The following UBP1 variants were observed in gnomAD, a reference collection of about 807,000 sequenced individuals.
UBP1 encodes upstream binding protein 1, also known as upstream-binding protein 1.
UBP1 carries 22 observed loss-of-function variants against 76.1 expected under a neutral mutation model. That is an observed-to-expected ratio of 0.29 (90% CI 0.21 to 0.41). The LOEUF is 0.41. UBP1 is among the 10% of genes least tolerant of loss of function. The pLI is 1.00. For missense variants in UBP1, 436 were observed against 668.1 expected, an observed-to-expected ratio of 0.65 and a Z score of 3.83; for synonymous variants, 224 against 237.1, an observed-to-expected ratio of 0.94 and a Z score of 0.51.
chr3:33,423,491 A>C (rs1441534403), intron 2 of UBP1, among the ~76,000 whole-genome samples: 1 of 152,218 alleles, frequency 6.6e-6, no homozygotes, highest in African/African-American at 2.4e-5. Context: ...TTAATACTGC[A>C]GTAAGCAGAA....
chr3:33,417,393 G>C (rs932005424), intron 2 of UBP1, among the ~76,000 whole-genome samples: 2 of 151,886 alleles, frequency 1.3e-5, no homozygotes, highest in Non-Finnish European at 2.9e-5. Flanking sequence ...ACAATATGTG[G>C]GTATTTGTGC....
intron 1 of UBP1, among the ~76,000 whole-genome samples, chr3:33,437,030 G>A (rs1312800226): frequency 6.6e-6 from 1 of 152,080 alleles, no homozygotes; most frequent in East Asian, 1.9e-4. Flanking sequence ...AGAATCTGCT[G>A]CAGTTCACAT....
chr3:33,414,451 G>A (rs763516002), intron 3 of UBP1, among the ~76,000 whole-genome samples: 21 of 152,198 alleles, frequency 1.4e-4, no homozygotes, highest in Middle Eastern at 3.4e-3. Flanking sequence ...AAAAAAAGAC[G>A]AAAACAGAAC....
intron 13 of UBP1, among the ~76,000 whole-genome samples, chr3:33,395,126 C>G (rs2043924401): frequency 6.6e-6 from 1 of 152,062 alleles, no homozygotes; most frequent in African/African-American, 2.4e-5. Flanking sequence ...ATGGAGATCT[C>G]CTTTAAATTT....
chr3:33,398,938 C>T (rs934833082), intron 11 of UBP1, among the ~76,000 whole-genome samples: 2 of 152,084 alleles, frequency 1.3e-5, no homozygotes, highest in African/African-American at 4.8e-5. Flanking sequence ...AAATGTAGTC[C>T]CCAGCTAGCA....
chr3:33,439,979 G>A lies in UBP1; in HGVS notation c.-131C>T. The A allele has an allele frequency of 3.1e-6, 3 of 952,496 alleles. No individual in the cohort carries two copies. The highest frequency in any genetic ancestry group is 4.5e-6 in the Non-Finnish European group (3 of 666,182). The allele number at this position is 952,496 out of a possible 1,614,324, so 59.0% of individuals were successfully genotyped here. On this transcript the variant is annotated 5_prime_UTR_variant, in exon 1 of 16. Coordinates refer to ENST00000283629, the MANE Select transcript of UBP1 (RefSeq NM_014517.5). ...GAGGGGCGGCGAGTGGTCACCAGCGGCGGCCGGGACGAGAGCTGCGGGGGC... is the reference window on the plus strand; with the variant it reads ...GAGGGGCGGCGAGTGGTCACCAGCGACGGCCGGGACGAGAGCTGCGGGGGC...
In UBP1 at chr3:33,402,700, G is replaced by T. The variant is rs532206022; in HGVS notation, c.1031+101C>A. 3.0e-4 allele frequency: 242 copies of T among 806,888 alleles called. 4 individuals carry two copies. The South Asian group carries it at 5.0e-3, about 17-fold the overall frequency. The allele number at this position is 806,888 out of a possible 1,614,324, so 50.0% of individuals were successfully genotyped here. ...ATACTTCCCCTTACTGTTTCCTTTA[G>T]GTACAATACAAACAAAAGGCTGCTG... On this transcript the variant is annotated intron_variant, in intron 9 of 15. Coordinates refer to ENST00000283629, the MANE Select transcript of UBP1 (RefSeq NM_014517.5).
At chr3:33,396,857 C>A (rs1003334005) in intron 12 of UBP1, 188 bp downstream of exon 12, 2 of 691,742 alleles carry the variant, frequency 2.9e-6, no homozygotes, top group African/African-American at 3.5e-5. Context: ...TCATCAGTGC[C>A]TGCATCATAT....
rs370923547 is a variant in UBP1, at chr3:33,393,461, T to G, written c.1391-7A>C. 57 of 1,572,788 alleles carry G rather than the reference T, an allele frequency of 3.6e-5. No individual in the cohort carries two copies. The highest frequency in any genetic ancestry group is 4.3e-5 in the Non-Finnish European group (50 of 1,166,636). ...AAGTAGATTGCATGATAAACTGAAA[T>G]TAAAAAAAAAAAAAGAAAAGCATTT... is the stretch of plus-strand genomic sequence containing the variant. On this transcript the variant is annotated splice_polypyrimidine_tract_variant and splice_region_variant and intron_variant, in intron 13 of 15. Coordinates refer to ENST00000283629, the MANE Select transcript of UBP1 (RefSeq NM_014517.5).
intron 15 of UBP1, chr3:33,392,260 T>C (rs2043798334): frequency 3.8e-6 from 1 of 263,292 alleles, no homozygotes; most frequent in East Asian, 7.3e-5. Flanking sequence ...AGGAGTTTCA[T>C]GGATTCTGTT....
At chr3:33,435,528 A>G (rs2045191066) in intron 1 of UBP1, among the ~76,000 whole-genome samples, 1 of 152,162 alleles carries the variant, frequency 6.6e-6, no homozygotes, top group Non-Finnish European at 1.5e-5. Context: ...AGTTCCAGCT[A>G]CTCTGTGGCT....
intron 10 of UBP1, among the ~76,000 whole-genome samples, chr3:33,400,538 T>G (rs962758742): frequency 2.0e-5 from 3 of 152,148 alleles, no homozygotes; most frequent in African/African-American, 4.8e-5. Context: ...ATGGACAACA[T>G]GAACATTTCA....
chr3:33,430,100 A>G (rs1385866320), intron 1 of UBP1, among the ~76,000 whole-genome samples: 1 of 152,226 alleles, frequency 6.6e-6, no homozygotes, highest in African/African-American at 2.4e-5. Context: ...ATAGGGGGGA[A>G]AAAAGTTGTC....
At chr3:33,429,065 T>G (rs182206425) in intron 1 of UBP1, among the ~76,000 whole-genome samples, 10 of 152,292 alleles carry the variant, frequency 6.6e-5, no homozygotes, top group Non-Finnish European at 1.3e-4. Flanking sequence ...CTTACTAACT[T>G]TGTATCTGCT....
intron 15 of UBP1, chr3:33,391,418 C>G (rs1312806753): frequency 6.6e-6 from 1 of 152,190 alleles, no homozygotes; most frequent in Non-Finnish European, 1.5e-5. Flanking sequence ...CATATTCTCT[C>G]CCTAAATGAC....
chr3:33,393,527 A>G, intron 13 of UBP1, 73 bp from the exon 14 acceptor site: 1 of 1,482,232 alleles, frequency 6.7e-7, no homozygotes, highest in Non-Finnish European at 9.1e-7. Context: ...GATCTGTAGG[A>G]TCTGTACGAA....
chr3:33,409,821 G>A (rs1408712235), intron 5 of UBP1, among the ~76,000 whole-genome samples: 2 of 152,128 alleles, frequency 1.3e-5, no homozygotes, highest in Non-Finnish European at 2.9e-5. Context: ...CTGAGCTCTT[G>A]CCCATCACAG....
rs376260353 is a variant in UBP1, at chr3:33,405,368, G to A, written c.928-2464C>T. On this transcript the variant is annotated intron_variant, in intron 8 of 15. Coordinates refer to ENST00000283629, the MANE Select transcript of UBP1 (RefSeq NM_014517.5). ...CCATGGCATTTAGATTCCATAGGAT[G>A]CACTTCAAGAGTAATGTCACAGTTT... Among the ~76,000 whole-genome samples the A allele has an allele frequency of 1.6e-4, 25 of 152,260 alleles. No homozygotes were observed. The East Asian group carries it at 4.8e-3, about 29-fold the overall frequency.
chr3:33,404,936 T>C (rs1204123376), intron 8 of UBP1, among the ~76,000 whole-genome samples: 1 of 152,216 alleles, frequency 6.6e-6, no homozygotes, highest in Non-Finnish European at 1.5e-5. Flanking sequence ...TCAAGATGCA[T>C]TTCCAATAAT....
Sources: allele counts gnomAD v4.1 joint callset (sites outside exome capture counted in the v4.1 genomes callset), GRCh38; gene constraint gnomAD v4.1.1; transcripts MANE v1.5; gene names NCBI Gene and HGNC (gene_info 2026-07-23, HGNC 2026-07-21).